The following CNTNAP2 variants were observed in gnomAD, a reference collection of about 807,000 sequenced individuals.
CNTNAP2 encodes the protein contactin associated protein 2.
In CNTNAP2, 98 loss-of-function variants were observed where a neutral mutation model predicts 155.2. That is an observed-to-expected ratio of 0.63 (90% CI 0.54 to 0.75). The LOEUF (loss-of-function observed/expected upper bound fraction) is 0.75. Ranked by LOEUF, CNTNAP2 falls within the 30% of genes least tolerant of loss-of-function variation. The pLI is 0.00. For synonymous variants in CNTNAP2, 651 were observed against 631.2 expected, an observed-to-expected ratio of 1.03 and a Z score of -0.47; for missense variants, 1,727 against 1,688.1, an observed-to-expected ratio of 1.02 and a Z score of -0.40.
intron 14 of CNTNAP2, among the ~76,000 whole-genome samples, chr7:147,914,269 G>A (rs1404273846): frequency 6.6e-6 from 1 of 152,060 alleles, no homozygotes; most frequent in Non-Finnish European, 1.5e-5. Flanking sequence ...GGCTGGTCGT[G>A]GTGGCTCACG....
intron 6 of CNTNAP2, chr7:147,122,942 A>G (rs1563084503): frequency 6.6e-6 from 1 of 152,140 alleles, no homozygotes; most frequent in East Asian, 1.9e-4. Flanking sequence ...AAACAGGATT[A>G]ATAGCTGTGT....
intron 15 of CNTNAP2, among the ~76,000 whole-genome samples, chr7:147,980,245 G>A (rs949989933): frequency 1.4e-5 from 2 of 145,582 alleles, no homozygotes; most frequent in African/African-American, 2.6e-5. Flanking sequence ...CATAGAAGGT[G>A]TATTTCAGGC....
chr7:146,872,808 A>C (rs1795340727), intron 3 of CNTNAP2, among the ~76,000 whole-genome samples: 1 of 152,208 alleles, frequency 6.6e-6, no homozygotes, highest in South Asian at 2.1e-4. Context: ...AGAATATTGT[A>C]TTTTATAATT....
At chr7:146,555,596 A>T (rs927267350) in intron 1 of CNTNAP2, among the ~76,000 whole-genome samples, 1 of 152,118 alleles carries the variant, frequency 6.6e-6, no homozygotes, top group Non-Finnish European at 1.5e-5. Context: ...CATGAGGGAG[A>T]TTGTAGACTG....
chr7:146,900,827 C>T (rs1562992839), intron 3 of CNTNAP2, among the ~76,000 whole-genome samples: 2 of 152,260 alleles, frequency 1.3e-5, no homozygotes, highest in African/African-American at 2.4e-5. Flanking sequence ...CTTCTACCTG[C>T]ACCGAGTCTC....
chr7:148,327,527 C>T (rs1797913928), intron 21 of CNTNAP2, among the ~76,000 whole-genome samples: 1 of 150,336 alleles, frequency 6.7e-6, no homozygotes, highest in Non-Finnish European at 1.5e-5. Flanking sequence ...AAATTGCCTC[C>T]TTATTCCTCT....
chr7:146,216,777 T>C (rs1365229027), intron 1 of CNTNAP2, among the ~76,000 whole-genome samples: 1 of 152,236 alleles, frequency 6.6e-6, no homozygotes, highest in Non-Finnish European at 1.5e-5. Context: ...TTCCATAAAA[T>C]AGCAGTTCTA....
intron 13 of CNTNAP2, among the ~76,000 whole-genome samples, chr7:147,645,388 A>C (rs1795350161): frequency 6.6e-6 from 1 of 152,202 alleles, no homozygotes; most frequent in Non-Finnish European, 1.5e-5. Flanking sequence ...CAGTAAATAA[A>C]ATTTATTGTG....
intron 8 of CNTNAP2, among the ~76,000 whole-genome samples, chr7:147,156,319 T>A (rs1346584788): frequency 1.3e-5 from 2 of 152,184 alleles, no homozygotes; most frequent in African/African-American, 4.8e-5. Context: ...GATTTTAGGA[T>A]CATTTGTGTG....
Position 147,958,067 on chromosome 7 carries a change from T to C in CNTNAP2, c.2256-19795T>C, listed in dbSNP as rs1227372147. 3.9e-5 allele frequency among the ~76,000 whole-genome samples: 6 copies of C among 152,280 alleles called. No individual in the cohort carries two copies. In the East Asian group the frequency reaches 1.2e-3, roughly 29 times the overall value. On this transcript the variant is annotated intron_variant, in intron 14 of 23. Coordinates refer to ENST00000361727, the MANE Select transcript of CNTNAP2 (RefSeq NM_014141.6). ...TTTAGCCTAAGTGATAGAGTGAGAC[T>C]GTCTCAAATAAATAAACCAATAGGA...
rs1802390731 is a variant in CNTNAP2 at position 147,178,416 on chromosome 7, A to G, written c.1348+45907A>G. On this transcript the variant is annotated intron_variant, in intron 8 of 23. Transcript: ENST00000361727. Reference sequence around the variant, plus strand: ...AGTTTCTTACCTAGAGCCTCCAGAAAGGAATGTAGTCCTGCCAACACTGGG... The same window carrying G: ...AGTTTCTTACCTAGAGCCTCCAGAAGGGAATGTAGTCCTGCCAACACTGGG... Among the ~76,000 whole-genome samples the G allele has an allele frequency of 2.6e-5, 4 of 152,190 alleles. No individual in the cohort carries two copies. The South Asian group carries it at 8.3e-4, about 32-fold the overall frequency.
intron 13 of CNTNAP2, among the ~76,000 whole-genome samples, chr7:147,689,777 T>C (rs986064697): frequency 4.6e-5 from 7 of 152,088 alleles, no homozygotes; most frequent in African/African-American, 1.7e-4. Flanking sequence ...TAGGTTTTCC[T>C]AGAGTCAGGA....
At chr7:146,727,742 G>A (rs1314281671) in intron 1 of CNTNAP2, among the ~76,000 whole-genome samples, 1 of 152,134 alleles carries the variant, frequency 6.6e-6, no homozygotes, top group South Asian at 2.1e-4. Flanking sequence ...TTATAGAAGC[G>A]TATGTGTAAT....
intron 10 of CNTNAP2, among the ~76,000 whole-genome samples, chr7:147,460,963 T>A (rs1798012014): frequency 6.6e-6 from 1 of 152,206 alleles, no homozygotes; most frequent in Admixed American, 6.5e-5. Context: ...TAGAACTTTT[T>A]TTGGTGGAGA....
chr7:146,465,217 G>A (rs1796700695), intron 1 of CNTNAP2, among the ~76,000 whole-genome samples: 1 of 152,072 alleles, frequency 6.6e-6, no homozygotes, highest in African/African-American at 2.4e-5. Context: ...AATACTCAGA[G>A]GCTATAAAGG....
intron 22 of CNTNAP2, among the ~76,000 whole-genome samples, chr7:148,400,271 G>A (rs1047766178): frequency 1.3e-5 from 2 of 152,170 alleles, no homozygotes; most frequent in African/African-American, 4.8e-5. Context: ...GCACCCTGCT[G>A]CCGCCACGCG....
chr7:146,504,762 C>A (rs182548803), intron 1 of CNTNAP2, among the ~76,000 whole-genome samples: 485 of 143,716 alleles, frequency 3.4e-3, no homozygotes, highest in African/African-American at 0.01. Flanking sequence ...GCACATAAGG[C>A]CACCCCCAGG....
At chr7:147,856,850 G>T (rs962882016) in intron 13 of CNTNAP2, among the ~76,000 whole-genome samples, 1 of 152,078 alleles carries the variant, frequency 6.6e-6, no homozygotes, top group Non-Finnish European at 1.5e-5. Flanking sequence ...AGTAATATTT[G>T]AAAATCCAGA....
At chr7:146,572,458 A>G (rs56855008) in intron 1 of CNTNAP2, among the ~76,000 whole-genome samples, 4 of 152,078 alleles carry the variant, frequency 2.6e-5, no homozygotes, top group African/African-American at 9.7e-5. Context: ...TTGATCTTTC[A>G]TAATGGGTTA....
Sources: allele counts gnomAD v4.1 joint callset (sites outside exome capture counted in the v4.1 genomes callset), GRCh38; gene constraint gnomAD v4.1.1; transcripts MANE v1.5; gene names NCBI Gene and HGNC (gene_info 2026-07-23, HGNC 2026-07-21).